Variants in ASB15 observed in about 807,000 individuals in gnomAD.
The protein encoded by ASB15 is ankyrin repeat and SOCS box protein 15.
Under a neutral mutation model 58.0 loss-of-function variants are expected in ASB15, and 54 were observed. That is an observed-to-expected ratio of 0.93 (90% confidence interval 0.75 to 1.17). The LOEUF (loss-of-function observed/expected upper bound fraction) is 1.17, where lower values mean the gene tolerates loss of function less well. ASB15 is among the 50% of genes most tolerant of loss of function. The pLI, the probability that ASB15 is intolerant of heterozygous loss-of-function variation, is 0.00. For synonymous variants in ASB15, 249 were observed against 262.4 expected, an observed-to-expected ratio of 0.95 and a Z score of 0.50; for missense variants, 680 against 707.4, an observed-to-expected ratio of 0.96 and a Z score of 0.44.
At chr7:123,625,292 C>G (rs1801700251) in intron 8 of ASB15, among the ~76,000 whole-genome samples, 1 of 152,164 alleles carries the variant, frequency 6.6e-6, no homozygotes, top group Non-Finnish European at 1.5e-5. Flanking sequence ...GATCAGGTCC[C>G]TCAATTCTCC....
intron 8 of ASB15, among the ~76,000 whole-genome samples, chr7:123,626,727 G>A (rs1164310278): frequency 1.3e-5 from 2 of 151,964 alleles, no homozygotes; most frequent in Non-Finnish European, 2.9e-5. Flanking sequence ...TTTTGTGGGG[G>A]TTTTTTGTTT....
intron 1 of ASB15, among the ~76,000 whole-genome samples, chr7:123,579,168 T>C (rs1010828949): frequency 1.3e-5 from 2 of 152,244 alleles, no homozygotes; most frequent in Middle Eastern, 6.8e-3. Context: ...TTTATGTTTC[T>C]GTATTAATTC....
At chr7:123,616,560 G>A in intron 6 of ASB15, 65 bp downstream of exon 6, 1 of 1,487,554 alleles carries the variant, frequency 6.7e-7, no homozygotes, top group Non-Finnish European at 9.2e-7. Flanking sequence ...GATGTTATAA[G>A]TGTTTTCAGT....
intron 1 of ASB15, among the ~76,000 whole-genome samples, chr7:123,592,748 G>T (rs563854482): frequency 2.0e-5 from 3 of 152,160 alleles, no homozygotes; most frequent in Non-Finnish European, 4.4e-5. Flanking sequence ...GTGCTGAGAA[G>T]AATGTATATT....
intron 9 of ASB15, among the ~76,000 whole-genome samples, chr7:123,627,625 C>A (rs1801881538): frequency 6.6e-6 from 1 of 152,130 alleles, no homozygotes; most frequent in Admixed American, 6.6e-5. Flanking sequence ...AAATTTTGCC[C>A]TTGACAAAGG....
intron 7 of ASB15, chr7:123,621,281 A>G (rs772876821): frequency 1.1e-4 from 16 of 152,228 alleles, no homozygotes; most frequent in Non-Finnish European, 2.2e-4. Flanking sequence ...TTTAAAAACT[A>G]AGTGGTAAGG....
At position 123,627,153 on chromosome 7, in the gene ASB15, G is replaced by A; in HGVS notation, c.741G>A (p.Leu247=). The change falls in exon 9 of 12, where the codon CTG becomes CTA. Residue 247 remains leucine (L), a synonymous_variant. Transcript: ENST00000451215. The part of the protein sequence containing the change: ...LALADDGASV[L]FEAAGGGNPD... ...TGGCGGATGATGGGGCGTCGGTGCT[G>A]TTTGAGGCAGCAGGAGGTGGCAATC... 6.2e-7 allele frequency: 1 copy of A among 1,614,056 alleles called. No individual in the cohort carries two copies. The highest frequency in any genetic ancestry group is 1.3e-5 in the African/African-American group (1 of 75,026).
upstream of ASB15, among the ~76,000 whole-genome samples, chr7:123,599,706 T>A (rs1457588108): frequency 6.6e-6 from 1 of 152,226 alleles, no homozygotes; most frequent in African/African-American, 2.4e-5. Context: ...CTAAGACTCT[T>A]CATCTTTCAT....
At chr7:123,627,377 C>A in intron 9 of ASB15, 96 bp downstream of exon 9, 1 of 996,114 alleles carries the variant, frequency 1.0e-6, no homozygotes, top group Non-Finnish European at 1.4e-6. Flanking sequence ...TTTCAAAATC[C>A]AAGGAGAAAT....
chr7:123,592,573 G>A (rs1266601260), intron 1 of ASB15, among the ~76,000 whole-genome samples: 5 of 152,174 alleles, frequency 3.3e-5, no homozygotes, highest in Admixed American at 3.3e-4. Context: ...AGGTTGTTCA[G>A]TTTCCATGCA....
At chr7:123,582,380 T>C (rs1799261108) in intron 1 of ASB15, among the ~76,000 whole-genome samples, 2 of 151,990 alleles carry the variant, frequency 1.3e-5, no homozygotes, top group Non-Finnish European at 2.9e-5. Context: ...ACTACCCTAG[T>C]GCACCCCAAA....
intron 3 of ASB15, 64 bp from the exon 4 acceptor site, chr7:123,614,437 T>C: frequency 1.0e-6 from 1 of 973,650 alleles, no homozygotes; most frequent in East Asian, 2.5e-5. Context: ...TCATGTTTAC[T>C]CTATGTACTG....
chr7:123,627,114 T>C lies in ASB15; in HGVS notation c.702T>C (p.Gly234=). ...TGCCACGTTTTATACTGCCAGGTGG[T>C]GATGTGCTTGCTTTGGCGGATGATG... ...DVLEHLIHKG[G]DVLALADDGA... is the part of the protein sequence containing the mutation. Residue 234 remains glycine (G), a synonymous_variant, in exon 9 of 12, where the codon GGT becomes GGC. Transcript: ENST00000451215. 6.2e-7 allele frequency: 1 copy of C among 1,612,524 alleles called. No homozygotes were observed. Among genetic ancestry groups the C allele is most frequent in the East Asian group, 2.2e-5 (1 of 44,846 alleles).
At chr7:123,590,948 A>C (rs1266294890) in intron 1 of ASB15, among the ~76,000 whole-genome samples, 1 of 152,058 alleles carries the variant, frequency 6.6e-6, no homozygotes, top group African/African-American at 2.4e-5. Flanking sequence ...ATGTTCTTCC[A>C]TTTGTTTGTG....
intron 1 of ASB15, among the ~76,000 whole-genome samples, chr7:123,593,491 A>G (rs985728843): frequency 6.6e-5 from 10 of 152,120 alleles, no homozygotes; most frequent in African/African-American, 2.2e-4. Flanking sequence ...CTCAGCATTT[A>G]CTTGTCTATA....
intron 11 of ASB15, among the ~76,000 whole-genome samples, chr7:123,632,826 T>G (rs1455314794): frequency 6.6e-6 from 1 of 152,140 alleles, no homozygotes; most frequent in Non-Finnish European, 1.5e-5. Flanking sequence ...GATTTGAAAC[T>G]ATAATATATA....
At chr7:123,581,171 G>A (rs896195023) in intron 1 of ASB15, among the ~76,000 whole-genome samples, 1 of 151,884 alleles carries the variant, frequency 6.6e-6, no homozygotes, top group African/African-American at 2.4e-5. Flanking sequence ...CTGAGAGCAT[G>A]AATGTTGCTC....
Position 123,637,120 on chromosome 7 carries a change from T to C in ASB15, c.*139T>C, listed in dbSNP as rs544388480. ...TTTTATAGGTTATCATGTGTTCTTA[T>C]GGGAACACCATGATTTATGTCTTTA... is the stretch of plus-strand genomic sequence containing the variant. On this transcript the variant is annotated 3_prime_UTR_variant, in exon 12 of 12. Transcript: ENST00000451215. 8 of 570,078 alleles carry C rather than the reference T, an allele frequency of 1.4e-5. No individual in the cohort carries two copies. In the South Asian group the frequency reaches 1.8e-4, roughly 13 times the overall value. 35.3% of individuals were successfully genotyped at this position (570,078 alleles called of 1,614,324 possible).
intron 1 of ASB15, among the ~76,000 whole-genome samples, chr7:123,590,319 A>G (rs1298017983): frequency 1.3e-5 from 2 of 152,066 alleles, no homozygotes; most frequent in Non-Finnish European, 2.9e-5. Context: ...GAAGCTCTTT[A>G]GTTTAATTAG....
Sources: allele counts gnomAD v4.1 joint callset (sites outside exome capture counted in the v4.1 genomes callset), GRCh38; gene constraint gnomAD v4.1.1; transcripts MANE v1.5; gene names NCBI Gene and HGNC (gene_info 2026-07-23, HGNC 2026-07-21).